RUVBL1: variants seen among roughly 807,000 people sequenced by gnomAD.
RUVBL1 encodes ruvB-like 1.
A neutral mutation model predicts 52.4 loss-of-function variants in RUVBL1; 4 were observed. The observed-to-expected ratio is 0.08, with a 90% confidence interval of 0.04 to 0.17. The LOEUF is 0.17. Among genes scored for constraint, RUVBL1 ranks in the 10% least tolerant of loss-of-function variants. The pLI is 1.00. For synonymous variants in RUVBL1, 217 were observed against 214.4 expected (o/e 1.01, Z -0.10); for missense variants, 298 against 572.8 (o/e 0.52, Z 4.90).
intron 1 of RUVBL1, among the ~76,000 whole-genome samples, chr3:128,152,823 A>G (rs1944247838): frequency 6.7e-6 from 1 of 148,830 alleles, no homozygotes; most frequent in South Asian, 2.2e-4. Flanking sequence ...GCAATGCGAA[A>G]GGGCACCTGA....
downstream of RUVBL1, among the ~76,000 whole-genome samples, chr3:128,080,035 C>T (rs1040339418): frequency 6.6e-6 from 1 of 152,210 alleles, no homozygotes; most frequent in African/African-American, 2.4e-5. Context: ...AGGGCAAGAA[C>T]GCAGCTCTCA....
exon 10 of RUVBL1, chr3:128,064,975 C>A (rs750609696): frequency 1.2e-6 from 2 of 1,614,260 alleles, no homozygotes; most frequent in Non-Finnish European, 1.7e-6. Flanking sequence ...CCGCCAGAAT[C>A]TTCCCAACCT....
chr3:128,101,717 CT>C, intron 4 of RUVBL1, 69 bp from the exon 5 acceptor site: 1 of 1,526,392 alleles, frequency 6.6e-7, no homozygotes, highest in Non-Finnish European at 9.0e-7. Context: ...TGTAAGGTAC[CT>C]TTCCGTAAGG....
chr3:128,113,154 A>G, intron 2 of RUVBL1, 134 bp from the exon 3 acceptor site: 1 of 1,016,922 alleles, frequency 9.8e-7, no homozygotes, highest in Non-Finnish European at 1.4e-6. Context: ...TTCACACAAT[A>G]AATGTTTGAT....
intron 8 of RUVBL1, among the ~76,000 whole-genome samples, chr3:128,095,247 C>A (rs1430597103): frequency 6.6e-6 from 1 of 152,244 alleles, no homozygotes; most frequent in Non-Finnish European, 1.5e-5. Flanking sequence ...AGATGCCAGG[C>A]TCTGCAGGTA....
rs1393549256 is a variant in RUVBL1, at chr3:128,080,931, G to A, written c.*319C>T. ...ACAAGATACATGGGAACTCCCTATT[G>A]TATGTTCACAATGACTCTGTACATC... On this transcript the variant is annotated 3_prime_UTR_variant, in exon 11 of 11. Transcript: ENST00000322623. 1 of 268,724 alleles carries A rather than the reference G, an allele frequency of 3.7e-6. No individual in the cohort carries two copies. Among genetic ancestry groups the A allele is most frequent in the Non-Finnish European group, 7.1e-6 (1 of 141,294 alleles). The allele number at this position is 268,724 out of a possible 1,614,324, so 16.6% of individuals were successfully genotyped here. A position where few individuals can be genotyped will look rare whatever the true frequency, so the allele number is the denominator to read the frequency against.
At chr3:128,085,955 ACT>A (rs1158476168) in intron 9 of RUVBL1, among the ~76,000 whole-genome samples, 2 of 152,210 alleles carry the variant, frequency 1.3e-5, no homozygotes, top group Non-Finnish European at 2.9e-5. Flanking sequence ...CCTGCTAGCC[ACT>A]GACTAATGTT....
intron 2 of RUVBL1, among the ~76,000 whole-genome samples, chr3:128,116,226 A>T (rs1328012028): frequency 6.6e-6 from 1 of 151,940 alleles, no homozygotes; most frequent in African/African-American, 2.4e-5. Flanking sequence ...ACACATGAGT[A>T]AAAAAGGTGG....
chr3:128,085,370 A>C lies in RUVBL1; in HGVS notation c.1119+2336T>G, dbSNP rs547795793. 2.0e-5 allele frequency among the ~76,000 whole-genome samples: 3 copies of C among 152,322 alleles called. No homozygotes were observed. The South Asian group carries it at 6.2e-4, about 32-fold the overall frequency. On this transcript the variant is annotated intron_variant, in intron 9 of 10. Coordinates refer to ENST00000322623, the MANE Select transcript of RUVBL1 (RefSeq NM_003707.3). ...TCTGTGCTGGGCTGCCTTTTTTGGCAGGACACATGGGGTTTTGGACCCAAC... is the reference window on the plus strand; with the variant it reads ...TCTGTGCTGGGCTGCCTTTTTTGGCCGGACACATGGGGTTTTGGACCCAAC...
chr3:128,090,322 G>A (rs1363125578), intron 8 of RUVBL1, among the ~76,000 whole-genome samples: 1 of 152,150 alleles, frequency 6.6e-6, no homozygotes, highest in Admixed American at 6.5e-5. Flanking sequence ...ACGAGGTCAG[G>A]AGATTGAGAC....
At chr3:128,127,655 A>C (rs1943811753), upstream of RUVBL1, among the ~76,000 whole-genome samples, 1 of 152,176 alleles carries the variant, frequency 6.6e-6, no homozygotes, top group African/African-American at 2.4e-5. Context: ...TAACCACTGC[A>C]CAGTCATGGT....
At chr3:128,075,786 C>T (rs527840028) in intron 9 of RUVBL1, 4 of 152,196 alleles carry the variant, frequency 2.6e-5, no homozygotes, top group African/African-American at 9.7e-5. Context: ...CGCAAGCTCC[C>T]GCGGGGTGCC....
chr3:128,151,292 C>T (rs1944207989), intron 1 of RUVBL1, among the ~76,000 whole-genome samples: 1 of 143,862 alleles, frequency 7.0e-6, no homozygotes, highest in Middle Eastern at 3.6e-3. Flanking sequence ...GATATATAAA[C>T]TATATCAAGT....
rs536212683 is a variant in RUVBL1 at position 128,087,051 on chromosome 3, G to C, written c.1119+655C>G. ...GTGCTCTTCTAAGCTGTATGATGCT[G>C]TCTCGCCATCACCTCTGTGGACTTG... On this transcript the variant is annotated intron_variant, in intron 9 of 10. Transcript: ENST00000322623. Among the ~76,000 whole-genome samples, 18 of 152,358 alleles carry C rather than the reference G, an allele frequency of 1.2e-4. No individual in the cohort carries two copies. The South Asian group carries it at 3.7e-3, about 32-fold the overall frequency.
At chr3:128,127,958 C>T (rs953297622), upstream of RUVBL1, among the ~76,000 whole-genome samples, 1 of 152,164 alleles carries the variant, frequency 6.6e-6, no homozygotes, top group Non-Finnish European at 1.5e-5. Context: ...GATTGCGCCA[C>T]TGCACTCCAG....
exon 1 of RUVBL1, chr3:128,153,450 C>T: frequency 7.0e-7 from 1 of 1,433,572 alleles, no homozygotes; most frequent in Non-Finnish European, 9.0e-7. Flanking sequence ...CGGACCGCGG[C>T]GACTACCGAG....
At chr3:128,065,899 G>A (rs1040353487) in intron 9 of RUVBL1, among the ~76,000 whole-genome samples, 7 of 151,656 alleles carry the variant, frequency 4.6e-5, no homozygotes, top group African/African-American at 1.2e-4. Context: ...CTGTCACCAC[G>A]CCCGGCTAAT....
chr3:128,066,292 G>A (rs977512159), intron 9 of RUVBL1, among the ~76,000 whole-genome samples: 1 of 152,082 alleles, frequency 6.6e-6, no homozygotes, highest in East Asian at 1.9e-4. Context: ...AGAGAGAAGC[G>A]CCCTTGGGAT....
intron 1 of RUVBL1, among the ~76,000 whole-genome samples, chr3:128,151,050 C>CTA (rs1335644914): frequency 1.1e-5 from 1 of 88,994 alleles, no homozygotes; most frequent in African/African-American, 4.8e-5. Context: ...TCTATATATT[C>CTA]TATATATATT....
Sources: gnomAD v4.1 joint callset for allele counts (sites outside exome capture counted in the v4.1 genomes callset) on GRCh38, gnomAD v4.1.1 for gene constraint, MANE v1.5 for transcripts, NCBI Gene and HGNC (gene_info 2026-07-23, HGNC 2026-07-21) for gene names.